Variants in HEPH observed in about 807,000 individuals in gnomAD.
HEPH encodes hephaestin.
A neutral mutation model predicts 80.8 loss-of-function variants in HEPH; 69 were observed. The observed-to-expected ratio is 0.85, with a 90% confidence interval of 0.70 to 1.04. The LOEUF is 1.04. Ranked by LOEUF, HEPH falls within the 50% of genes least tolerant of loss-of-function variation. The probability of loss-of-function intolerance (pLI) is 0.00; values close to 1 mark genes in which losing one functional copy is unlikely to be tolerated. For synonymous variants in HEPH, 431 were observed against 322.8 expected (o/e 1.34, Z -3.60); for missense variants, 1,115 against 891.3 (o/e 1.25, Z -3.20).
chrX:66,198,325 C>T (rs949179349), intron 10 of HEPH, among the ~76,000 whole-genome samples: 2 of 111,234 alleles, frequency 1.8e-5, no homozygotes, highest in African/African-American at 3.3e-5. Context: ...AGCTACTTAA[C>T]TTCTCTTTGA....
At chrX:66,168,058 A>G (rs1025369798) in intron 1 of HEPH, among the ~76,000 whole-genome samples, 1 of 112,060 alleles carries the variant, frequency 8.9e-6, no homozygotes, top group African/African-American at 3.2e-5. Flanking sequence ...GTGTAGTCCA[A>G]TCTGGGAAAT....
At position 66,263,792 on chromosome X, in the gene HEPH, G is replaced by A. The variant is rs949777057; in HGVS notation, c.3244+104G>A. The stretch of plus-strand genomic sequence containing the variant: ...ATGGGACTTATGTGACTGAGAGTTA[G>A]AATACATCAGCAGAAAGTATCCTGA... On this transcript the variant is annotated intron_variant, in intron 20 of 20. Coordinates refer to ENST00000343002, the MANE Select transcript of HEPH (RefSeq NM_001367233.3). 4 of 744,871 alleles carry A rather than the reference G, an allele frequency of 5.4e-6. No individual in the cohort carries two copies. In the Admixed American group the frequency reaches 1.0e-4, roughly 19 times the overall value. 61.4% of individuals were successfully genotyped at this position (744,871 alleles called of 1,213,427 possible).
intron 15 of HEPH, among the ~76,000 whole-genome samples, chrX:66,249,148 G>C (rs2090920717): frequency 9.0e-6 from 1 of 111,249 alleles, no homozygotes; most frequent in South Asian, 3.8e-4. Context: ...AGGCTCAAGG[G>C]CTTGGTAGAC....
intron 12 of HEPH, among the ~76,000 whole-genome samples, chrX:66,202,585 C>G (rs756509114): frequency 9.0e-6 from 1 of 110,940 alleles, no homozygotes; most frequent in East Asian, 2.8e-4. Context: ...AGTGAAGGAC[C>G]TTCTAAAGCT....
intron 15 of HEPH, among the ~76,000 whole-genome samples, chrX:66,244,532 C>G (rs1371738478): frequency 4.5e-5 from 5 of 111,344 alleles, no homozygotes; most frequent in Non-Finnish European, 9.4e-5. Context: ...CTTAAAATGC[C>G]TATTTTCTTT....
At chrX:66,192,693 C>A (rs1357264105) in intron 7 of HEPH, among the ~76,000 whole-genome samples, 1 of 111,855 alleles carries the variant, frequency 8.9e-6, no homozygotes, top group Non-Finnish European at 1.9e-5. Context: ...TTTCTATAGT[C>A]TGAATGAGGC....
chrX:66,200,695 G>A lies in HEPH; in HGVS notation c.2020G>A (p.Ala674Thr), dbSNP rs899473389. The change falls in exon 12 of 21, where the codon GCA becomes ACA. Residue 674 changes from alanine to threonine, a missense_variant. Physicochemically the swap from Ala to Thr is moderately conservative, Grantham distance 58 (BLOSUM62 0). This residue lies in a region of HEPH where 716 missense variants were observed against 523.5 expected (regional missense o/e 1.37). Coordinates refer to ENST00000343002, the MANE Select transcript of HEPH (RefSeq NM_001367233.3). ...GCAGCTTCAGGGCATGAGGAAGGGT[G>A]CAGCTATGCTCTTTCCTCATACCTT... ...TVQLQGMRKG[A>T]AMLFPHTFVM... is the part of the protein sequence containing the mutation. The A allele has an allele frequency of 1.7e-6, 2 of 1,211,502 alleles. No individual in the cohort carries two copies. The highest frequency in any genetic ancestry group is 3.0e-5 in the East Asian group (1 of 33,822).
chrX:66,218,870 G>T (rs182314542), intron 15 of HEPH, among the ~76,000 whole-genome samples: 1 of 112,039 alleles, frequency 8.9e-6, no homozygotes, highest in Non-Finnish European at 1.9e-5. Context: ...TTAGGTCAGG[G>T]GTCAATCTTT....
At chrX:66,168,998 A>G (rs2086480959) in intron 1 of HEPH, among the ~76,000 whole-genome samples, 2 of 111,659 alleles carry the variant, frequency 1.8e-5, no homozygotes, top group South Asian at 7.6e-4. Flanking sequence ...TTCTCTGTGT[A>G]TATACATGTG....
chrX:66,241,350 G>A (rs2090570954), intron 15 of HEPH, among the ~76,000 whole-genome samples: 1 of 111,672 alleles, frequency 9.0e-6, no homozygotes, highest in Non-Finnish European at 1.9e-5. Flanking sequence ...ATTCTATGCT[G>A]TCTTCAAGAA....
Position 66,266,667 on chromosome X carries a change from C to T in HEPH, c.3472C>T (p.Gln1158Ter), listed in dbSNP as rs1271463121. 1 of 1,182,427 alleles carries T rather than the reference C, an allele frequency of 8.5e-7. No individual in the cohort carries two copies. The highest frequency in any genetic ancestry group is 1.1e-6 in the Non-Finnish European group (1 of 869,877). Residue 1158 changes from glutamine (Q) to a stop codon, truncating the protein, a stop_gained, in exon 21 of 21, where the codon CAG (glutamine) becomes TAG (stop). Transcript: ENST00000343002. LOFTEE classifies it high-confidence loss of function. ...DDSFKLLSFK[Q>*] ...CAGCTTCAAGCTTCTGTCTTTCAAA[C>T]AGTAACATCTGGAGCCTGGAGATAT... is the stretch of plus-strand genomic sequence containing the variant.
At chrX:66,180,204 G>C (rs1016770347) in intron 4 of HEPH, among the ~76,000 whole-genome samples, 2 of 110,175 alleles carry the variant, frequency 1.8e-5, no homozygotes, top group Admixed American at 1.9e-4. Flanking sequence ...GATCCTGTGT[G>C]ATTGATTTAT....
intron 14 of HEPH, among the ~76,000 whole-genome samples, 174 bp from the exon 15 acceptor site, chrX:66,207,941 A>T (rs1180873716): frequency 9.0e-6 from 1 of 111,516 alleles, no homozygotes. Flanking sequence ...TAACAGTTTA[A>T]GGACTTCTGA....
chrX:66,215,815 TC>T (rs776621538), intron 15 of HEPH, among the ~76,000 whole-genome samples: 31 of 111,970 alleles, frequency 2.8e-4, no homozygotes, highest in Non-Finnish European at 4.9e-4. Context: ...TCTTGCTTTC[TC>T]AGTTGGGAGG....
chrX:66,259,791 C>T (rs980689814), intron 18 of HEPH, among the ~76,000 whole-genome samples: 6 of 109,001 alleles, frequency 5.5e-5, no homozygotes, highest in Non-Finnish European at 1.1e-4. Flanking sequence ...TCACTGCAAG[C>T]TACGGCTTCT....
At chrX:66,256,366 G>A (rs1416422916) in intron 17 of HEPH, 36 bp downstream of exon 17, 2 of 1,002,333 alleles carry the variant, frequency 2.0e-6, no homozygotes, top group Non-Finnish European at 1.4e-6. Flanking sequence ...TTCCAAAGCA[G>A]TCCCTACTGG....
intron 15 of HEPH, among the ~76,000 whole-genome samples, chrX:66,231,301 C>T (rs1167830123): frequency 9.3e-6 from 1 of 107,616 alleles, no homozygotes; most frequent in Non-Finnish European, 1.9e-5. Flanking sequence ...TAGTTTTTTC[C>T]AATTCTGTGA....
chrX:66,186,802 G>C (rs186136222), intron 4 of HEPH, among the ~76,000 whole-genome samples: 3 of 112,085 alleles, frequency 2.7e-5, no homozygotes, highest in African/African-American at 9.7e-5. Flanking sequence ...TTCCCCTATT[G>C]CTCCTCCAAA....
chrX:66,246,483 G>T (rs1436086916), intron 15 of HEPH, among the ~76,000 whole-genome samples: 5 of 111,251 alleles, frequency 4.5e-5, no homozygotes, highest in African/African-American at 1.6e-4. Flanking sequence ...TGGTGTCAGT[G>T]CTGGTCTATT....
Sources: gnomAD v4.1 joint callset for allele counts (sites outside exome capture counted in the v4.1 genomes callset) on GRCh38, gnomAD v4.1.1 for gene constraint, gnomAD v4.1.1 regional missense constraint, MANE v1.5 for transcripts, NCBI Gene and HGNC (gene_info 2026-07-23, HGNC 2026-07-21) for gene names.